Variants in MSN observed in about 807,000 individuals in gnomAD.
MSN encodes moesin.
In MSN, 2 loss-of-function variants were observed where a neutral mutation model predicts 48.0. The ratio of observed to expected loss-of-function variants is 0.04; its 90% CI spans 0.02 to 0.13. MSN has a LOEUF of 0.13. Among genes scored for constraint, MSN ranks in the 10% least tolerant of loss-of-function variants. The probability of loss-of-function intolerance (pLI) is 1.00; values close to 1 mark genes in which losing one functional copy is unlikely to be tolerated. For missense variants in MSN, 267 were observed against 470.1 expected, an observed-to-expected ratio of 0.57 and a Z score of 3.99; for synonymous variants, 146 against 166.9, an observed-to-expected ratio of 0.87 and a Z score of 0.97.
chrX:65,589,785 A>T (rs1307089814), intron 1 of MSN: 1 of 111,710 alleles, frequency 9.0e-6, no homozygotes, highest in Non-Finnish European at 1.9e-5. Flanking sequence ...CGCCTCTACA[A>T]GCCGACTGAG....
rs762375685 is a variant in MSN at position 65,735,383 on chromosome X, G to A, written c.912G>A (p.Gln304=). The change falls in exon 8 of 13, where the codon CAG becomes CAA. Residue 304 remains glutamine, a synonymous_variant. Transcript: ENST00000360270. ...RRKPDTIEVQ[Q]MKAQAREEKH... ...AGCCTGATACCATTGAGGTGCAGCA[G>A]ATGAAGGCACAGGCCCGGGAGGAGA... 1 of 1,208,196 alleles carries A rather than the reference G, an allele frequency of 8.3e-7. No homozygotes were observed. Among genetic ancestry groups the A allele is most frequent in the East Asian group, 3.0e-5 (1 of 33,707 alleles).
intron 2 of MSN, among the ~76,000 whole-genome samples, chrX:65,720,219 T>C (rs2071504065): frequency 8.9e-6 from 1 of 112,302 alleles, no homozygotes; most frequent in Non-Finnish European, 1.9e-5. Context: ...CTCTAGGTCA[T>C]GTAGTTAGTA....
chrX:65,737,004 G>C (rs1268943477), intron 9 of MSN, 79 bp downstream of exon 9: 6 of 1,163,901 alleles, frequency 5.2e-6, no homozygotes, highest in Non-Finnish European at 2.3e-6. Context: ...CTGAGCTGTA[G>C]ACTCAGACAA....
intron 2 of MSN, among the ~76,000 whole-genome samples, chrX:65,719,403 C>T (rs950593468): frequency 7.2e-5 from 8 of 111,829 alleles, no homozygotes; most frequent in Non-Finnish European, 1.5e-4. Flanking sequence ...CATTTCTGTT[C>T]CTAGTATTGG....
chrX:65,697,043 T>C (rs1020807682), intron 1 of MSN, among the ~76,000 whole-genome samples: 1 of 111,433 alleles, frequency 9.0e-6, no homozygotes, highest in African/African-American at 3.3e-5. Flanking sequence ...CAGCAGGTTA[T>C]GAGGCCACCT....
intron 1 of MSN, among the ~76,000 whole-genome samples, chrX:65,637,089 CA>C (rs746876937): frequency 9.6e-3 from 674 of 69,851 alleles, no homozygotes; most frequent in Middle Eastern, 0.026. Context: ...GATTCGGTCT[CA>C]AAAAAAAAAA....
intron 1 of MSN, among the ~76,000 whole-genome samples, chrX:65,695,669 G>A (rs758503422): frequency 9.0e-6 from 1 of 110,592 alleles, no homozygotes; most frequent in Non-Finnish European, 1.9e-5. Flanking sequence ...AACATAATCA[G>A]CTTCTTATCT....
In MSN at chrX:65,607,849, G is replaced by A. The variant is rs140630753; in HGVS notation, c.-22+19237G>A. On this transcript the variant is annotated intron_variant, in intron 1 of 3. Coordinates refer to the MSN transcript ENST00000609672. Reference sequence around the variant, plus strand: ...CAAATATAAGGAAAAGTCACTGGGCGTGGTGACACATGCTTGTAATTGTTG... The same window carrying A: ...CAAATATAAGGAAAAGTCACTGGGCATGGTGACACATGCTTGTAATTGTTG... Among the ~76,000 whole-genome samples the A allele has an allele frequency of 1.2e-3, 132 of 111,909 alleles. 1 individual carries two copies. Among genetic ancestry groups the A allele is most frequent in the African/African-American group, 3.6e-3 (111 of 30,788 alleles).
At chrX:65,619,606 C>A (rs2070413992) in intron 1 of MSN, among the ~76,000 whole-genome samples, 1 of 100,509 alleles carries the variant, frequency 9.9e-6, no homozygotes, top group Admixed American at 1.0e-4. Context: ...GTTATACATT[C>A]TTCTAAATTT....
intron 1 of MSN, among the ~76,000 whole-genome samples, chrX:65,643,626 A>G (rs1254825745): frequency 8.9e-6 from 1 of 112,030 alleles, no homozygotes; most frequent in Admixed American, 9.5e-5. Context: ...TTGTTTTTAT[A>G]AAACTTCCCA....
chrX:65,641,602 T>G (rs186870935), intron 1 of MSN, among the ~76,000 whole-genome samples: 811 of 59,219 alleles, frequency 0.014, 33 homozygotes, highest in African/African-American at 0.049. Context: ...ATATATATAT[T>G]TTAGCATATT....
intron 9 of MSN, 89 bp downstream of exon 9, chrX:65,737,014 A>G: frequency 4.3e-6 from 5 of 1,153,527 alleles, no homozygotes; most frequent in Non-Finnish European, 4.7e-6. Context: ...GACTCAGACA[A>G]TGTAGTTCAG....
At chrX:65,629,584 C>T (rs1383637148) in intron 1 of MSN, among the ~76,000 whole-genome samples, 2 of 111,765 alleles carry the variant, frequency 1.8e-5, no homozygotes, top group South Asian at 3.8e-4. Context: ...ATTGGACTTA[C>T]AGTTCCACAT....
chrX:65,640,082 G>A (rs2070637262), intron 1 of MSN, among the ~76,000 whole-genome samples: 2 of 111,753 alleles, frequency 1.8e-5, no homozygotes, highest in African/African-American at 3.3e-5. Flanking sequence ...AAGAAAGGGG[G>A]TCTTAGGAGG....
chrX:65,640,386 TA>T (rs567701203), intron 1 of MSN, among the ~76,000 whole-genome samples: 1 of 109,413 alleles, frequency 9.1e-6, no homozygotes, highest in South Asian at 3.9e-4. Context: ...TAAAAATAAA[TA>T]AAAAAAAATT....
intron 1 of MSN, among the ~76,000 whole-genome samples, chrX:65,609,313 C>T (rs1482769435): frequency 9.1e-6 from 1 of 110,007 alleles, no homozygotes; most frequent in Non-Finnish European, 1.9e-5. Flanking sequence ...ATAGGGTTTC[C>T]ATGCCTACCC....
At chrX:65,738,742 G>A (rs1482590454) in intron 11 of MSN, 125 bp downstream of exon 11, 3 of 677,020 alleles carry the variant, frequency 4.4e-6, no homozygotes, top group Non-Finnish European at 6.7e-6. Context: ...AGGCAGCATG[G>A]GAGAAGGCAC....
chrX:65,696,225 T>TCACACACACACACACA lies in MSN; in HGVS notation c.13-20581_13-20566dup, dbSNP rs111720807. On this transcript the variant is annotated intron_variant, in intron 1 of 12. Coordinates refer to ENST00000360270, the MANE Select transcript of MSN (RefSeq NM_002444.3). ...AAAATGCCCTCACGTGCTTGCTCAT[T>TCACACACACACACACA]CACACACACACACACACACACACAC... 4.2e-3 allele frequency among the ~76,000 whole-genome samples: 432 copies of TCACACACACACACACA among 102,272 alleles called. 4 individuals carry two copies. Among genetic ancestry groups the TCACACACACACACACA allele is most frequent in the African/African-American group, 0.015 (401 of 26,777 alleles). The allele number at this position is 102,272 out of a possible 115,157, so 88.8% of individuals were successfully genotyped here.
chrX:65,625,127 C>T (rs1477350919), intron 1 of MSN: 1 of 112,404 alleles, frequency 8.9e-6, no homozygotes, highest in Non-Finnish European at 1.9e-5. Flanking sequence ...TGCATGTGGT[C>T]GAGGAAGATA....
Sources: allele counts gnomAD v4.1 joint callset (sites outside exome capture counted in the v4.1 genomes callset), GRCh38; gene constraint gnomAD v4.1.1; transcripts MANE v1.5; gene names NCBI Gene and HGNC (gene_info 2026-07-23, HGNC 2026-07-21).